Variants in ANO2 observed in about 807,000 individuals in gnomAD.
ANO2 encodes the protein anoctamin-2.
Under a neutral mutation model 124.2 loss-of-function variants are expected in ANO2, and 101 were observed. That is an observed-to-expected ratio of 0.81 (90% confidence interval 0.69 to 0.96). The LOEUF (loss-of-function observed/expected upper bound fraction) is 0.96. ANO2 is among the 40% of genes least tolerant of loss of function. ANO2 has a pLI of 0.00. For synonymous variants in ANO2, 486 were observed against 482.5 expected, an observed-to-expected ratio of 1.01 and a Z score of -0.09; for missense variants, 1,293 against 1,274.5, an observed-to-expected ratio of 1.01 and a Z score of -0.22.
chr12:5,623,294 C>T (rs2136921146), intron 16 of ANO2, among the ~76,000 whole-genome samples: 1 of 152,166 alleles, frequency 6.6e-6, no homozygotes, highest in East Asian at 1.9e-4. Flanking sequence ...TTCACGTGCC[C>T]CCTAACATAG....
chr12:5,746,384 T>A (rs1467195450), intron 11 of ANO2, among the ~76,000 whole-genome samples: 1 of 152,194 alleles, frequency 6.6e-6, no homozygotes, highest in Non-Finnish European at 1.5e-5. Context: ...ATTGGGGGGT[T>A]TTTGATGTAA....
chr12:5,653,968 G>A (rs1196749709), intron 14 of ANO2, among the ~76,000 whole-genome samples: 1 of 152,250 alleles, frequency 6.6e-6, no homozygotes, highest in Non-Finnish European at 1.5e-5. Context: ...ATGGCTCCGT[G>A]TAATGAGAAG....
At chr12:5,709,195 C>A (rs979259882) in intron 14 of ANO2, among the ~76,000 whole-genome samples, 1 of 152,206 alleles carries the variant, frequency 6.6e-6, no homozygotes, top group South Asian at 2.1e-4. Context: ...CCACAGAGCT[C>A]GATAGTTGTT....
rs1042471177 is a variant in ANO2 at position 5,658,318 on chromosome 12, A to G, written c.1546-10517T>C. 2.0e-5 allele frequency among the ~76,000 whole-genome samples: 3 copies of G among 152,228 alleles called. No individual in the cohort carries two copies. Among genetic ancestry groups the G allele is most frequent in the Admixed American group, 6.5e-5 (1 of 15,280 alleles). On this transcript the variant is annotated intron_variant, in intron 14 of 24. Transcript: ENST00000682330. The surrounding 1 kb of genome is among the most constrained non-coding windows in gnomAD (Gnocchi z 4.3). ...GAGATGAAATGAGGTAATGCATGGA[A>G]TATACATAGAACTGTCCCTGGCACA...
intron 13 of ANO2, among the ~76,000 whole-genome samples, chr12:5,735,589 C>T (rs540650355): frequency 6.6e-6 from 1 of 152,204 alleles, no homozygotes; most frequent in African/African-American, 2.4e-5. Flanking sequence ...ATAAGAATAG[C>T]AGAAGAAATA....
Position 5,651,803 on chromosome 12 carries a change from TTA to T in ANO2, c.1546-4004_1546-4003del, listed in dbSNP as rs1192577867. ...AGATCTGTTTTATGCCCCTCTGGTT[TTA>T]TCTTTTCCAAAATGTCATATAAGTG... On this transcript the variant is annotated intron_variant, in intron 14 of 24. Transcript: ENST00000682330. Among the ~76,000 whole-genome samples, 3 of 152,220 alleles carry T rather than the reference TTA, an allele frequency of 2.0e-5. No individual in the cohort carries two copies. In the East Asian group the frequency reaches 5.8e-4, roughly 29 times the overall value.
At chr12:5,763,126 T>C (rs1346754312) in intron 10 of ANO2, among the ~76,000 whole-genome samples, 2 of 152,046 alleles carry the variant, frequency 1.3e-5, no homozygotes, top group African/African-American at 2.4e-5. Flanking sequence ...CAAAATTAAA[T>C]ATTTTTGACC....
Position 5,832,353 on chromosome 12 carries a change from G to C in ANO2, c.785+99C>G. 2.1e-6 allele frequency: 3 copies of C among 1,413,842 alleles called. No individual in the cohort carries two copies. In the East Asian group the frequency reaches 6.9e-5, roughly 33 times the overall value. The allele number at this position is 1,413,842 out of a possible 1,614,324, so 87.6% of individuals were successfully genotyped here. ...CCTACTCTCTCTCCCAGGCACTGGG[G>C]CACCCACTTTGGGAGCCCCAGGGCT... On this transcript the variant is annotated intron_variant, in intron 5 of 24. Transcript: ENST00000682330.
At chr12:5,859,635 C>T (rs1955208614) in intron 3 of ANO2, among the ~76,000 whole-genome samples, 1 of 152,024 alleles carries the variant, frequency 6.6e-6, no homozygotes, top group Admixed American at 6.6e-5. Context: ...CAGGTTCAAG[C>T]AATCCTCCCA....
chr12:5,774,477 T>C (rs1952171737), intron 10 of ANO2, among the ~76,000 whole-genome samples: 1 of 151,898 alleles, frequency 6.6e-6, no homozygotes, highest in South Asian at 2.1e-4. Flanking sequence ...AATAAAAAAG[T>C]TTTTCTTCAG....
intron 3 of ANO2, among the ~76,000 whole-genome samples, chr12:5,889,584 C>A (rs1344487499): frequency 3.3e-5 from 5 of 152,264 alleles, no homozygotes; most frequent in Non-Finnish European, 5.9e-5. Flanking sequence ...CCCTGTCTTA[C>A]ACGTGTCCCA....
At chr12:5,826,341 G>T (rs1953952350) in intron 7 of ANO2, among the ~76,000 whole-genome samples, 1 of 151,950 alleles carries the variant, frequency 6.6e-6, no homozygotes, top group South Asian at 2.1e-4. Context: ...GACTTGATTG[G>T]ACTGAAAGAT....
At chr12:5,616,730 T>C (rs74056071) in intron 16 of ANO2, among the ~76,000 whole-genome samples, 42,403 of 152,016 alleles carry the variant, frequency 0.28, 6,705 homozygotes, top group African/African-American at 0.43. Flanking sequence ...GACACAAAAC[T>C]TTGTTTCTTC....
At chr12:5,906,593 G>C (rs1940709298) in intron 3 of ANO2, among the ~76,000 whole-genome samples, 1 of 151,950 alleles carries the variant, frequency 6.6e-6, no homozygotes, top group African/African-American at 2.4e-5. Context: ...TCAAGAGATT[G>C]AGACCATCCT....
chr12:5,589,752 G>A (rs559339042), intron 20 of ANO2, among the ~76,000 whole-genome samples: 5 of 152,262 alleles, frequency 3.3e-5, no homozygotes, highest in East Asian at 1.9e-4. Flanking sequence ...TTGGATGCAC[G>A]CATGAGAAGG....
intron 3 of ANO2, among the ~76,000 whole-genome samples, chr12:5,897,133 G>A (rs1939845863): frequency 6.6e-6 from 1 of 151,472 alleles, no homozygotes; most frequent in Non-Finnish European, 1.5e-5. Flanking sequence ...AGACATGAGA[G>A]GTGTAAAAAA....
rs370121485 is a variant in ANO2, at chr12:5,939,871, G to T, written c.22+5325C>A. Among the ~76,000 whole-genome samples, 21 of 152,280 alleles carry T rather than the reference G, an allele frequency of 1.4e-4. No individual in the cohort carries two copies. In the East Asian group the frequency reaches 2.3e-3, roughly 17 times the overall value. ...GGAAGAAGAGGAGAACATGGATTTT[G>T]GTAAGCAGCTAGTAGTCTCTGTCAC... is the stretch of plus-strand genomic sequence containing the variant. On this transcript the variant is annotated intron_variant, in intron 1 of 24. Transcript: ENST00000682330.
chr12:5,735,361 C>T (rs1950815399), intron 13 of ANO2, among the ~76,000 whole-genome samples: 1 of 152,160 alleles, frequency 6.6e-6, no homozygotes, highest in African/African-American at 2.4e-5. Flanking sequence ...CTCAGGACCA[C>T]ATTTGTCTGA....
chr12:5,879,070 T>C (rs971924823), intron 3 of ANO2, among the ~76,000 whole-genome samples: 3 of 152,186 alleles, frequency 2.0e-5, no homozygotes, highest in Admixed American at 2.0e-4. Context: ...TCTTCATCCT[T>C]CTCCACTTAA....
Sources: gnomAD v4.1 joint callset for allele counts (sites outside exome capture counted in the v4.1 genomes callset) on GRCh38, gnomAD v4.1.1 for gene constraint, Gnocchi (gnomAD v3.1) non-coding constraint, MANE v1.5 for transcripts, NCBI Gene and HGNC (gene_info 2026-07-23, HGNC 2026-07-21) for gene names.